Variants in LRRFIP1 observed in about 807,000 individuals in gnomAD.
The protein encoded by LRRFIP1 is leucine-rich repeat flightless-interacting protein 1.
LRRFIP1 carries 62 observed loss-of-function variants against 104.4 expected under a neutral mutation model. The observed-to-expected ratio is 0.59, with a 90% CI of 0.48 to 0.73. The LOEUF is 0.73. Ranked by LOEUF, LRRFIP1 falls within the 30% of genes least tolerant of loss-of-function variation. LRRFIP1 has a pLI of 0.00. For missense variants in LRRFIP1, 796 were observed against 824.5 expected, an observed-to-expected ratio of 0.97 and a Z score of 0.42; for synonymous variants, 300 against 299.0, an observed-to-expected ratio of 1.00 and a Z score of -0.03.
rs2093659714 is a variant in LRRFIP1 at position 237,703,729 on chromosome 2, T to G, written c.97-4815T>G. 6.6e-6 allele frequency among the ~76,000 whole-genome samples: 1 copy of G among 152,140 alleles called. No homozygotes were observed. On this transcript the variant is annotated intron_variant, in intron 1 of 23. Coordinates refer to ENST00000308482, the MANE Select transcript of LRRFIP1 (RefSeq NM_001137550.2). The surrounding 1 kb of genome is among the most constrained non-coding windows in gnomAD (Gnocchi z 4.3). ...TCACATGTACATTGTCACCAGGTGC[T>G]TTGCCTGTTTCCCTGGAGACTGGGC...
intron 1 of LRRFIP1, among the ~76,000 whole-genome samples, chr2:237,655,776 A>G (rs955626248): frequency 6.6e-5 from 10 of 152,240 alleles, no homozygotes; most frequent in Non-Finnish European, 1.2e-4. Flanking sequence ...CTGAAACCCA[A>G]CCACATGAAC....
At chr2:237,664,622 T>C (rs2088829456) in intron 1 of LRRFIP1, among the ~76,000 whole-genome samples, 1 of 152,250 alleles carries the variant, frequency 6.6e-6, no homozygotes, top group South Asian at 2.1e-4. Flanking sequence ...TTTGAACTTC[T>C]CTGTGAGTTT....
chr2:237,680,654 T>G (rs1249392362), intron 1 of LRRFIP1, among the ~76,000 whole-genome samples: 1 of 152,098 alleles, frequency 6.6e-6, no homozygotes, highest in Admixed American at 6.6e-5. Context: ...AAATAAAATC[T>G]CAGTTTAGAG....
At chr2:237,684,596 A>C (rs1575454169) in intron 1 of LRRFIP1, 1 of 152,210 alleles carries the variant, frequency 6.6e-6, no homozygotes, top group South Asian at 2.1e-4. Flanking sequence ...TTATTTCCCC[A>C]TGTCAGCATC....
intron 1 of LRRFIP1, among the ~76,000 whole-genome samples, chr2:237,665,870 G>T (rs2089125645): frequency 6.6e-6 from 1 of 152,222 alleles, no homozygotes; most frequent in African/African-American, 2.4e-5. Context: ...TGATTTGCAA[G>T]AACACCTCTG....
intron 1 of LRRFIP1, among the ~76,000 whole-genome samples, chr2:237,695,055 G>A (rs1005007622): frequency 2.6e-5 from 4 of 152,190 alleles, no homozygotes; most frequent in Non-Finnish European, 5.9e-5. Flanking sequence ...GGCACGAGGC[G>A]GGCTGGCCCT....
At chr2:237,719,400 T>C in intron 4 of LRRFIP1, 123 bp from the exon 5 acceptor site, 1 of 632,048 alleles carries the variant, frequency 1.6e-6, no homozygotes, top group Non-Finnish European at 2.8e-6. Flanking sequence ...AAAGAAAATA[T>C]TTATGTGACA....
At chr2:237,681,356 A>G (rs1251799362) in intron 1 of LRRFIP1, among the ~76,000 whole-genome samples, 1 of 152,126 alleles carries the variant, frequency 6.6e-6, no homozygotes, top group Non-Finnish European at 1.5e-5. Flanking sequence ...TATGTCTTTT[A>G]CACAGTCCTA....
intron 8 of LRRFIP1, among the ~76,000 whole-genome samples, chr2:237,730,572 A>G (rs1559704813): frequency 2.0e-5 from 3 of 152,320 alleles, no homozygotes; most frequent in African/African-American, 7.2e-5. Context: ...AGTAGATAGA[A>G]TGGGAGGGAG....
At chr2:237,683,709 A>T (rs2092078252) in intron 1 of LRRFIP1, among the ~76,000 whole-genome samples, 1 of 152,146 alleles carries the variant, frequency 6.6e-6, no homozygotes, top group South Asian at 2.1e-4. Flanking sequence ...CCTTTATGGA[A>T]ATTCATTTTC....
At chr2:237,641,890 C>T (rs1027366653) in intron 1 of LRRFIP1, among the ~76,000 whole-genome samples, 13 of 152,132 alleles carry the variant, frequency 8.5e-5, no homozygotes, top group African/African-American at 3.1e-4. Flanking sequence ...ACTTCCAGGG[C>T]GTCGTCTTAG....
At chr2:237,693,389 G>C (rs1376062440) in intron 1 of LRRFIP1, among the ~76,000 whole-genome samples, 1 of 152,230 alleles carries the variant, frequency 6.6e-6, no homozygotes, top group Non-Finnish European at 1.5e-5. Flanking sequence ...GACCTTGGGA[G>C]AGCTTATTAG....
chr2:237,719,750 G>A (rs2094471815), intron 5 of LRRFIP1, among the ~76,000 whole-genome samples, 183 bp downstream of exon 5: 1 of 152,018 alleles, frequency 6.6e-6, no homozygotes, highest in Non-Finnish European at 1.5e-5. Flanking sequence ...TATGAACTTA[G>A]CTTTTAGCAT....
chr2:237,693,853 A>G (rs2092982342), intron 1 of LRRFIP1, among the ~76,000 whole-genome samples: 1 of 152,158 alleles, frequency 6.6e-6, no homozygotes, highest in Non-Finnish European at 1.5e-5. Flanking sequence ...GGAGCAGCTA[A>G]GGCACTGGCT....
chr2:237,769,271 C>G (rs893171880), intron 19 of LRRFIP1: 7 of 152,500 alleles, frequency 4.6e-5, no homozygotes, highest in Non-Finnish European at 1.0e-4. Context: ...CCCCCGCAGT[C>G]TGAAGACTCT....
At chr2:237,774,213 A>G (rs1300733416) in intron 22 of LRRFIP1, 145 bp from the exon 23 acceptor site, 1 of 622,326 alleles carries the variant, frequency 1.6e-6, no homozygotes, top group Non-Finnish European at 2.9e-6. Flanking sequence ...GCTCAAACCC[A>G]CACCATAGTC....
At chr2:237,672,961 GAGAAATTCT>G (rs1257716030) in intron 1 of LRRFIP1, among the ~76,000 whole-genome samples, 6 of 152,210 alleles carry the variant, frequency 3.9e-5, no homozygotes, top group Non-Finnish European at 5.9e-5. Context: ...CACGAAGCAT[GAGAAATTCT>G]TTTACAATAC....
At chr2:237,658,878 A>G (rs1313843713) in intron 1 of LRRFIP1, among the ~76,000 whole-genome samples, 2 of 152,204 alleles carry the variant, frequency 1.3e-5, no homozygotes, top group African/African-American at 2.4e-5. Flanking sequence ...GTGGGGACAC[A>G]AAGCCTAACC....
chr2:237,709,528 G>T (rs969345774), intron 2 of LRRFIP1, among the ~76,000 whole-genome samples: 1 of 152,232 alleles, frequency 6.6e-6, no homozygotes, highest in Non-Finnish European at 1.5e-5. Flanking sequence ...GCGAGCCAGT[G>T]TTTAAAACCA....
Sources: gnomAD v4.1 joint callset for allele counts (sites outside exome capture counted in the v4.1 genomes callset) on GRCh38, gnomAD v4.1.1 for gene constraint, Gnocchi (gnomAD v3.1) non-coding constraint, MANE v1.5 for transcripts, NCBI Gene and HGNC (gene_info 2026-07-23, HGNC 2026-07-21) for gene names.